The following SH3TC2 variants were observed in gnomAD, a reference collection of about 807,000 sequenced individuals.
SH3TC2 encodes SH3 domain and tetratricopeptide repeat-containing protein 2.
In SH3TC2, 87 loss-of-function variants were observed where a neutral mutation model predicts 124.5. That is an observed-to-expected ratio of 0.70 (90% confidence interval 0.59 to 0.84). SH3TC2 has a LOEUF of 0.84. SH3TC2 is among the 40% of genes least tolerant of loss of function. The probability of loss-of-function intolerance (pLI) is 0.00; values close to 1 mark genes in which losing one functional copy is unlikely to be tolerated. For missense variants in SH3TC2, 1,536 were observed against 1,566.4 expected, an observed-to-expected ratio of 0.98 and a Z score of 0.33; for synonymous variants, 634 against 628.5, an observed-to-expected ratio of 1.01 and a Z score of -0.13.
At position 149,042,740 on chromosome 5, in the gene SH3TC2, A is replaced by T. The variant is rs768029461; in HGVS notation, c.483T>A (p.Asp161Glu). 1.2e-6 allele frequency: 2 copies of T among 1,614,186 alleles called. No homozygotes were observed. The highest frequency in any genetic ancestry group is 1.1e-5 in the South Asian group (1 of 91,090). The change falls in exon 5 of 17, where the codon GAT becomes GAA. Residue 161 changes from aspartate to glutamate, a missense_variant. Around this residue, in one of 3 missense-constraint regions of SH3TC2, gnomAD observed 1,102 missense variants for 1,098.6 expected, o/e 1.00. Transcript: ENST00000515425. Reference protein sequence around the residue: ...VEDTEIQVSVDDKHLETIYLG... With the variant: ...VEDTEIQVSVEDKHLETIYLG... ...GGTATATTGTTTCCAGGTGTTTATC[A>T]TCTACAGACACTTGGATCTCTGTAT...
Position 148,992,355 on chromosome 5 carries a change from T to A in SH3TC2, c.*12356A>T, listed in dbSNP as rs553936023. On this transcript the variant is annotated 3_prime_UTR_variant, in exon 17 of 17. Transcript: ENST00000515425. The stretch of plus-strand genomic sequence containing the variant: ...AATGCATACAAAGGGTTCCAGATCC[T>A]GCTTTTCTGGATGTCTCCATTTTTA... Among the ~76,000 whole-genome samples, 9 of 152,236 alleles carry A rather than the reference T, an allele frequency of 5.9e-5. No homozygotes were observed. Among genetic ancestry groups the A allele is most frequent in the Admixed American group, 1.3e-4 (2 of 15,286 alleles).
At chr5:149,046,120 T>C (rs1754460230) in intron 3 of SH3TC2, 2 of 178,686 alleles carry the variant, frequency 1.1e-5, no homozygotes, top group African/African-American at 2.4e-5. Context: ...AGCTCTATCA[T>C]GAGGGAAACT....
chr5:149,026,577 G>T lies in SH3TC2; in HGVS notation c.3048C>A (p.Thr1016=), dbSNP rs375266719. The T allele has an allele frequency of 1.2e-6, 2 of 1,613,880 alleles. No homozygotes were observed. The highest frequency in any genetic ancestry group is 1.1e-5 in the South Asian group (1 of 91,060). ...SLGQLYRNLN[T]ARSLRRSLTC... The stretch of plus-strand genomic sequence containing the variant: ...AGTTCCTGACCCTGACTCACCTGGC[G>T]GTATTTAGGTTCCGATAAAGCTGCC... Residue 1016 remains threonine (T), a synonymous_variant, in exon 12 of 17, where the codon ACC becomes ACA. Coordinates refer to ENST00000515425, the MANE Select transcript of SH3TC2 (RefSeq NM_024577.4).
chr5:149,017,165 A>T (rs1400304920), intron 12 of SH3TC2, among the ~76,000 whole-genome samples: 1 of 152,082 alleles, frequency 6.6e-6, no homozygotes, highest in Non-Finnish European at 1.5e-5. Flanking sequence ...GAGCTCATGG[A>T]CTATTATCAC....
chr5:149,025,663 G>A (rs974239441), intron 12 of SH3TC2: 1 of 152,214 alleles, frequency 6.6e-6, no homozygotes, highest in Non-Finnish European at 1.5e-5. Flanking sequence ...GGCAAATGAG[G>A]ATGAAGCAGC....
rs985047389 is a variant in SH3TC2 at position 148,995,911 on chromosome 5, C to A, written c.*8800G>T. 1.3e-5 allele frequency among the ~76,000 whole-genome samples: 2 copies of A among 151,842 alleles called. No homozygotes were observed. The highest frequency in any genetic ancestry group is 4.8e-5 in the African/African-American group (2 of 41,296). Reference sequence around the variant, plus strand: ...AAGTACAGGGACAAATGAGCACAAGCAAAAGGGAGATGCTAAGGACATGAG... The same window carrying A: ...AAGTACAGGGACAAATGAGCACAAGAAAAAGGGAGATGCTAAGGACATGAG... On this transcript the variant is annotated 3_prime_UTR_variant, in exon 17 of 17. Transcript: ENST00000515425.
In SH3TC2 at chr5:148,982,955, A is replaced by C. The variant is rs768950490; in HGVS notation, c.*21756T>G. On this transcript the variant is annotated 3_prime_UTR_variant, in exon 17 of 17. Transcript: ENST00000515425. The stretch of plus-strand genomic sequence containing the variant: ...CAGAGGCATCATGTCTGCAAGTAGA[A>C]GATGTTGGTCTCAGGCCCAGCTCTG... 6.6e-5 allele frequency among the ~76,000 whole-genome samples: 10 copies of C among 152,252 alleles called. No homozygotes were observed. Among genetic ancestry groups the C allele is most frequent in the Admixed American group, 5.9e-4 (9 of 15,290 alleles).
chr5:148,983,640 C>T lies in SH3TC2; in HGVS notation c.*21071G>A. Among the ~76,000 whole-genome samples the T allele has an allele frequency of 6.6e-6, 1 of 152,102 alleles. No homozygotes were observed. ...GCTTCCTATTTTGGGGTTTCCTTCC[C>T]CCTACCCCGCACCCCATTAGCCCCT... On this transcript the variant is annotated 3_prime_UTR_variant, in exon 17 of 17. Transcript: ENST00000515425.
chr5:149,041,695 T>C, intron 5 of SH3TC2, 78 bp from the exon 6 acceptor site: 1 of 1,489,150 alleles, frequency 6.7e-7, no homozygotes, highest in Non-Finnish European at 9.3e-7. Context: ...AAGTAATGCT[T>C]CTATTCAGAG....
At chr5:149,008,121 C>T (rs1289526812) in intron 15 of SH3TC2, 2 of 153,574 alleles carry the variant, frequency 1.3e-5, no homozygotes, top group South Asian at 4.1e-4. Context: ...ATCATCCACA[C>T]CCGATGCCCT....
intron 12 of SH3TC2, among the ~76,000 whole-genome samples, chr5:149,017,777 C>T (rs1753900332): frequency 1.3e-5 from 2 of 152,220 alleles, no homozygotes; most frequent in African/African-American, 4.8e-5. Flanking sequence ...ATTTCTTTTG[C>T]CTAGGGCAAA....
rs1753403278 is a variant in SH3TC2, at chr5:148,990,408, G to T, written c.*14303C>A. ...TACCCACACAATGTTGTGCTGCCAA[G>T]TGGTTCACAGGAGAGGATTTGAGGG... is the stretch of plus-strand genomic sequence containing the variant. On this transcript the variant is annotated 3_prime_UTR_variant, in exon 17 of 17. Coordinates refer to ENST00000515425, the MANE Select transcript of SH3TC2 (RefSeq NM_024577.4). 6.6e-6 allele frequency among the ~76,000 whole-genome samples: 1 copy of T among 152,164 alleles called. No individual in the cohort carries two copies. The highest frequency in any genetic ancestry group is 2.1e-4 in the South Asian group (1 of 4,826).
intron 8 of SH3TC2, among the ~76,000 whole-genome samples, chr5:149,036,887 T>A (rs1206797563): frequency 1.3e-5 from 2 of 152,146 alleles, no homozygotes; most frequent in African/African-American, 4.8e-5. Flanking sequence ...GGCCTTCCTC[T>A]CCATTCTCAC....
At chr5:149,012,131 C>T (rs934595498) in intron 13 of SH3TC2, among the ~76,000 whole-genome samples, 1 of 152,110 alleles carries the variant, frequency 6.6e-6, no homozygotes, top group Non-Finnish European at 1.5e-5. Flanking sequence ...AGGCTTTTAA[C>T]CACTACACTG....
rs1358734860 is a variant in SH3TC2, at chr5:148,993,250, A to T, written c.*11461T>A. Among the ~76,000 whole-genome samples, 1 of 152,242 alleles carries T rather than the reference A, an allele frequency of 6.6e-6. No individual in the cohort carries two copies. Among genetic ancestry groups the T allele is most frequent in the African/African-American group, 2.4e-5 (1 of 41,464 alleles). On this transcript the variant is annotated 3_prime_UTR_variant, in exon 17 of 17. Transcript: ENST00000515425. ...TAAAATTCAAATCAATCAAATTTAA[A>T]CCAGGAAAATTTGACTTAGTAGAAA...
chr5:149,016,286 CA>C (rs1203395378), intron 12 of SH3TC2, among the ~76,000 whole-genome samples: 1 of 152,180 alleles, frequency 6.6e-6, no homozygotes, highest in African/African-American at 2.4e-5. Flanking sequence ...GAGTCTGACC[CA>C]GAACCCTTAC....
intron 1 of SH3TC2, among the ~76,000 whole-genome samples, chr5:149,052,549 A>G (rs1235621761): frequency 6.6e-6 from 1 of 152,234 alleles, no homozygotes; most frequent in Non-Finnish European, 1.5e-5. Flanking sequence ...GAGCCTACAC[A>G]GGTCATCACA....
At chr5:149,025,028 A>T (rs1366429452) in intron 12 of SH3TC2, among the ~76,000 whole-genome samples, 1 of 152,170 alleles carries the variant, frequency 6.6e-6, no homozygotes, top group African/African-American at 2.4e-5. Context: ...CCTGTTCCTT[A>T]GAATCCAACT....
rs189591944 is a variant in SH3TC2 at position 149,047,875 on chromosome 5, C to A, written c.266G>T (p.Arg89Leu). ...CTTCATGCTCACCTTAAACAGCATGCGCACCTCCTGGTCCTCATTCTCCAG... is the reference window on the plus strand; with the variant it reads ...CTTCATGCTCACCTTAAACAGCATGAGCACCTCCTGGTCCTCATTCTCCAG... ...WALENEDQEV[R>L]MLFKDLSARL... is the part of the protein sequence containing the mutation. Residue 89 changes from arginine to leucine, a missense_variant, in exon 3 of 17, where the codon CGC becomes CTC. Arg to Leu is a moderately radical substitution (Grantham distance 102). Coordinates refer to ENST00000515425, the MANE Select transcript of SH3TC2 (RefSeq NM_024577.4). 10 of 1,613,980 alleles carry A rather than the reference C, an allele frequency of 6.2e-6. No individual in the cohort carries two copies. The highest frequency in any genetic ancestry group is 8.5e-6 in the Non-Finnish European group (10 of 1,179,994).
Sources: gnomAD v4.1 joint callset for allele counts (sites outside exome capture counted in the v4.1 genomes callset) on GRCh38, gnomAD v4.1.1 for gene constraint, gnomAD v4.1.1 regional missense constraint, MANE v1.5 for transcripts, NCBI Gene and HGNC (gene_info 2026-07-23, HGNC 2026-07-21) for gene names.